The following RALB variants were observed in gnomAD, a reference collection of about 807,000 sequenced individuals.
The protein encoded by RALB is RAS like proto-oncogene B.
A neutral mutation model predicts 21.3 loss-of-function variants in RALB; 16 were observed. The observed-to-expected ratio is 0.75, with a 90% CI of 0.51 to 1.14. The LOEUF (loss-of-function observed/expected upper bound fraction) is 1.14, where lower values mean the gene tolerates loss of function less well. Among genes scored for constraint, RALB ranks in the 50% most tolerant of loss-of-function variants. RALB has a pLI of 0.00. For missense variants in RALB, 161 were observed against 256.2 expected (o/e 0.63, Z 2.54); for synonymous variants, 93 against 96.1 (o/e 0.97, Z 0.19).
chr2:120,282,971 A>T (rs1205728679), intron 2 of RALB, among the ~76,000 whole-genome samples: 1 of 152,120 alleles, frequency 6.6e-6, no homozygotes, highest in East Asian at 1.9e-4. Flanking sequence ...AAGAGACCTT[A>T]GCAGTAATTG....
At chr2:120,270,781 A>G (rs1013439616) in intron 1 of RALB, among the ~76,000 whole-genome samples, 1 of 152,138 alleles carries the variant, frequency 6.6e-6, no homozygotes, top group African/African-American at 2.4e-5. Flanking sequence ...AATATTCATT[A>G]TAGTTATGGA....
intron 1 of RALB, among the ~76,000 whole-genome samples, chr2:120,256,515 A>G (rs1280381585): frequency 6.6e-6 from 1 of 151,938 alleles, no homozygotes; most frequent in Admixed American, 6.6e-5. Flanking sequence ...CCTGATAGTG[A>G]GTTCTCACGT....
rs1690374576 is a variant in RALB at position 120,294,425 on chromosome 2, T to C, written c.*1165T>C. The C allele has an allele frequency of 2.5e-6, 1 of 397,174 alleles. No homozygotes were observed. Among genetic ancestry groups the C allele is most frequent in the Non-Finnish European group, 4.4e-6 (1 of 225,512 alleles). 24.6% of individuals were successfully genotyped at this position (397,174 alleles called of 1,614,324 possible). A position where few individuals can be genotyped will look rare whatever the true frequency, so the allele number is the denominator to read the frequency against. On this transcript the variant is annotated 3_prime_UTR_variant, in exon 5 of 5. Transcript: ENST00000272519. ...AAAAGATTTTCATTGATGACATATC[T>C]TTAAACTTTCTTGCATCAGTATTCT...
At chr2:120,281,384 A>ACT (rs1186037791) in intron 2 of RALB, among the ~76,000 whole-genome samples, 3 of 152,252 alleles carry the variant, frequency 2.0e-5, no homozygotes, top group African/African-American at 7.2e-5. Context: ...CCTTCGCCTC[A>ACT]CTGAGAGTCA....
intron 1 of RALB, among the ~76,000 whole-genome samples, chr2:120,243,392 G>A (rs1453059124): frequency 6.6e-6 from 1 of 152,238 alleles, no homozygotes; most frequent in African/African-American, 2.4e-5. Flanking sequence ...GTGGGAACAG[G>A]CTGTGTGGGA....
intron 3 of RALB, 142 bp downstream of exon 3, chr2:120,286,224 T>A (rs1690130663): frequency 1.5e-6 from 1 of 657,810 alleles, no homozygotes; most frequent in Non-Finnish European, 2.6e-6. Flanking sequence ...CTAAAGAATC[T>A]TCTGGGGCTT....
At chr2:120,262,407 T>C (rs1689388093) in intron 1 of RALB, among the ~76,000 whole-genome samples, 1 of 151,994 alleles carries the variant, frequency 6.6e-6, no homozygotes, top group Non-Finnish European at 1.5e-5. Context: ...TTAGAAGAGG[T>C]GGAGGCTCTC....
intron 2 of RALB, among the ~76,000 whole-genome samples, chr2:120,285,460 C>T (rs1690107534): frequency 6.6e-6 from 1 of 152,046 alleles, no homozygotes; most frequent in Admixed American, 6.6e-5. Flanking sequence ...TTTTGATATA[C>T]CTAATGTTAA....
chr2:120,268,579 G>C lies in RALB; in HGVS notation c.-47-10039G>C, dbSNP rs181931373. Among the ~76,000 whole-genome samples, 163 of 152,222 alleles carry C rather than the reference G, an allele frequency of 1.1e-3. 1 individual carries two copies. Among genetic ancestry groups the C allele is most frequent in the Middle Eastern group, 0.01 (3 of 294 alleles). On this transcript the variant is annotated intron_variant, in intron 1 of 4. Transcript: ENST00000272519. ...GAGGGCCCAGGACGGGAGTGTGTGT[G>C]GGGGGTGTTGCTTGAGCCCAAGATG...
chr2:120,280,982 G>GTT (rs113320941), intron 2 of RALB: 24 of 338,836 alleles, frequency 7.1e-5, no homozygotes, highest in African/African-American at 1.6e-4. Context: ...GTTTGTATTA[G>GTT]TTTTTTTTAT....
upstream of RALB, among the ~76,000 whole-genome samples, chr2:120,252,087 T>C (rs1017792101): frequency 7.2e-5 from 11 of 152,086 alleles, no homozygotes; most frequent in Admixed American, 7.2e-4. Context: ...GGCTTGTGAC[T>C]CTCATGAGGT....
intron 1 of RALB, 69 bp downstream of exon 1, chr2:120,253,049 G>C (rs1198813672): frequency 1.1e-6 from 1 of 900,980 alleles, no homozygotes; most frequent in Admixed American, 6.2e-5. Flanking sequence ...TACGCCGCAC[G>C]CCCGCAGCCT....
upstream of RALB, among the ~76,000 whole-genome samples, chr2:120,248,618 A>C (rs185955112): frequency 1.4e-3 from 215 of 152,146 alleles, no homozygotes; most frequent in African/African-American, 5.0e-3. Context: ...TCCACATCCA[A>C]CCCTCACAGC....
At chr2:120,282,790 G>C (rs1007037894) in intron 2 of RALB, among the ~76,000 whole-genome samples, 3 of 152,084 alleles carry the variant, frequency 2.0e-5, no homozygotes, top group African/African-American at 7.2e-5. Flanking sequence ...ATGTATGTTT[G>C]GGGGAGGAGT....
chr2:120,289,952 C>T (rs1157881947), intron 4 of RALB, among the ~76,000 whole-genome samples, 195 bp downstream of exon 4: 1 of 152,216 alleles, frequency 6.6e-6, no homozygotes, highest in African/African-American at 2.4e-5. Context: ...AGACAACTCA[C>T]AGAACCTTTT....
chr2:120,257,900 A>G (rs545570164), intron 1 of RALB, among the ~76,000 whole-genome samples: 1 of 152,222 alleles, frequency 6.6e-6, no homozygotes, highest in African/African-American at 2.4e-5. Flanking sequence ...TAATACTTGC[A>G]TGGCAAACCT....
chr2:120,277,240 T>G (rs568030648), intron 1 of RALB, among the ~76,000 whole-genome samples: 1 of 152,134 alleles, frequency 6.6e-6, no homozygotes, highest in Admixed American at 6.5e-5. Context: ...CATATGTGTG[T>G]GTGAGAAAGT....
chr2:120,261,063 A>C (rs550471529), intron 1 of RALB, among the ~76,000 whole-genome samples: 90 of 152,328 alleles, frequency 5.9e-4, no homozygotes, highest in Admixed American at 3.6e-3. Context: ...ATGCGTTTTC[A>C]CAAGATTCCC....
intron 1 of RALB, among the ~76,000 whole-genome samples, chr2:120,268,770 T>C (rs1213827681): frequency 1.3e-5 from 2 of 152,196 alleles, no homozygotes; most frequent in East Asian, 3.8e-4. Flanking sequence ...AAAACTTTTT[T>C]TAAAGCGGAA....
Sources: allele counts gnomAD v4.1 joint callset (sites outside exome capture counted in the v4.1 genomes callset), GRCh38; gene constraint gnomAD v4.1.1; transcripts MANE v1.5; gene names NCBI Gene and HGNC (gene_info 2026-07-23, HGNC 2026-07-21).